SRRM4: variants seen among roughly 807,000 people sequenced by gnomAD.
SRRM4 encodes serine/arginine repetitive matrix 4, also known as serine/arginine repetitive matrix protein 4.
SRRM4 carries 33 observed loss-of-function variants against 68.9 expected under a neutral mutation model. The observed-to-expected ratio is 0.48, with a 90% CI of 0.36 to 0.64. The LOEUF (loss-of-function observed/expected upper bound fraction) is 0.64. SRRM4 is among the 30% of genes least tolerant of loss of function. The pLI, the probability that SRRM4 is intolerant of heterozygous loss-of-function variation, is 0.00. For synonymous variants in SRRM4, 318 were observed against 318.8 expected, an observed-to-expected ratio of 1.00 and a Z score of 0.03; for missense variants, 817 against 827.1, an observed-to-expected ratio of 0.99 and a Z score of 0.15.
intron 8 of SRRM4, among the ~76,000 whole-genome samples, chr12:119,131,224 A>T (rs1289618554): frequency 6.6e-6 from 1 of 152,232 alleles, no homozygotes; most frequent in Non-Finnish European, 1.5e-5. Flanking sequence ...TCCAGCTTTT[A>T]CATGAAGTCT....
chr12:119,072,180 T>C (rs910255461), intron 1 of SRRM4, among the ~76,000 whole-genome samples: 1 of 152,270 alleles, frequency 6.6e-6, no homozygotes, highest in Non-Finnish European at 1.5e-5. Context: ...GAAAGATGAC[T>C]GTGAATATTG....
intron 1 of SRRM4, among the ~76,000 whole-genome samples, chr12:119,070,231 A>C (rs976476743): frequency 5.3e-4 from 81 of 151,894 alleles, no homozygotes; most frequent in African/African-American, 1.9e-3. Context: ...AAAAAAAAAA[A>C]AACTAGCCAC....
Position 119,156,741 on chromosome 12 carries a change from C to T in SRRM4, c.1779C>T (p.Ser593=). The T allele has an allele frequency of 6.5e-7, 1 of 1,546,498 alleles. No individual in the cohort carries two copies. Among genetic ancestry groups the T allele is most frequent in the South Asian group, 1.2e-5 (1 of 83,920 alleles). The change falls in exon 13 of 13, where the codon AGC becomes AGT. Residue 593 remains serine, a synonymous_variant. Transcript: ENST00000267260. ...SRSRSRSRSR[S]RSQSRSYSSA... ...GCAGGAGCCGGAGCCGGAGCCGGAGCAGGAGCCAGAGCCGGAGCTACAGCT... is the reference window on the plus strand; with the variant it reads ...GCAGGAGCCGGAGCCGGAGCCGGAGTAGGAGCCAGAGCCGGAGCTACAGCT...
Position 119,125,370 on chromosome 12 carries a change from A to C in SRRM4, c.516-11A>C, listed in dbSNP as rs1441531338. On this transcript the variant is annotated splice_polypyrimidine_tract_variant and intron_variant, in intron 6 of 12. Coordinates refer to ENST00000267260, the MANE Select transcript of SRRM4 (RefSeq NM_194286.4). ...CCTCTCCTCTGACTCGTTCCTTCTC[A>C]TCCCCCCAAGATCTCGAAGCCGGCC... 1 of 1,608,976 alleles carries C rather than the reference A, an allele frequency of 6.2e-7. No homozygotes were observed. The highest frequency in any genetic ancestry group is 1.3e-5 in the African/African-American group (1 of 74,392).
chr12:119,149,581 G>A (rs564017393), intron 9 of SRRM4, among the ~76,000 whole-genome samples: 6 of 149,420 alleles, frequency 4.0e-5, no homozygotes, highest in East Asian at 1.9e-4. Context: ...GACAGGGGAC[G>A]GGGGTGTCAA....
rs560707252 is a variant in SRRM4, at chr12:119,156,582, C to T, written c.1620C>T (p.Ser540=). 1.2e-6 allele frequency: 2 copies of T among 1,610,262 alleles called. No homozygotes were observed. The highest frequency in any genetic ancestry group is 1.7e-5 in the Admixed American group (1 of 60,008). Residue 540 remains serine, a synonymous_variant, in exon 13 of 13, where the codon AGC becomes AGT. Coordinates refer to ENST00000267260, the MANE Select transcript of SRRM4 (RefSeq NM_194286.4). The part of the protein sequence containing the change: ...LSSTSSWYSS[S]SSRSASRSYS... Reference sequence around the variant, plus strand: ...GCACCTCCTCCTGGTACAGCAGCAGCAGTAGCCGCTCGGCCAGCCGCAGCT... The same window carrying T: ...GCACCTCCTCCTGGTACAGCAGCAGTAGTAGCCGCTCGGCCAGCCGCAGCT...
chr12:119,096,251 C>T (rs1029388951), intron 1 of SRRM4, among the ~76,000 whole-genome samples: 1 of 147,162 alleles, frequency 6.8e-6, no homozygotes, highest in Non-Finnish European at 1.5e-5. Flanking sequence ...CCAGGATGGT[C>T]TCAATCTTCC....
chr12:118,984,080 G>A (rs895217200), intron 1 of SRRM4, among the ~76,000 whole-genome samples: 1 of 152,102 alleles, frequency 6.6e-6, no homozygotes, highest in Non-Finnish European at 1.5e-5. Context: ...AACAGATTCC[G>A]GTTTTATAAC....
At chr12:119,152,333 A>C (rs1845151045) in intron 10 of SRRM4, among the ~76,000 whole-genome samples, 2 of 152,224 alleles carry the variant, frequency 1.3e-5, no homozygotes, top group Non-Finnish European at 2.9e-5. Context: ...AGAGCAAATC[A>C]GGCTAAAAGA....
intron 2 of SRRM4, among the ~76,000 whole-genome samples, chr12:119,106,693 C>A (rs903998042): frequency 1.7e-4 from 25 of 147,878 alleles, no homozygotes; most frequent in African/African-American, 5.8e-4. Flanking sequence ...TGCTTATCAG[C>A]TTAAGGAGAT....
intron 1 of SRRM4, among the ~76,000 whole-genome samples, chr12:119,049,397 T>C (rs1836188538): frequency 6.6e-6 from 1 of 152,078 alleles, no homozygotes; most frequent in Non-Finnish European, 1.5e-5. Flanking sequence ...AAAATGAAAT[T>C]AGAGAAATAA....
chr12:118,999,593 CAGA>C (rs1350179040), intron 1 of SRRM4, among the ~76,000 whole-genome samples: 3 of 152,154 alleles, frequency 2.0e-5, no homozygotes, highest in Non-Finnish European at 2.9e-5. Context: ...CTAAAACTAA[CAGA>C]GTTATTTATA....
At chr12:119,029,299 A>T (rs1953571090) in intron 1 of SRRM4, among the ~76,000 whole-genome samples, 1 of 152,206 alleles carries the variant, frequency 6.6e-6, no homozygotes, top group Admixed American at 6.5e-5. Flanking sequence ...TCTAAGAGTG[A>T]TTGAAGGCGC....
intron 1 of SRRM4, among the ~76,000 whole-genome samples, chr12:119,063,956 C>T (rs1953830062): frequency 6.6e-6 from 1 of 152,148 alleles, no homozygotes; most frequent in Non-Finnish European, 1.5e-5. Flanking sequence ...ATACCATGAT[C>T]CTGGGCTATA....
At chr12:119,088,804 A>G (rs1171576873) in intron 1 of SRRM4, among the ~76,000 whole-genome samples, 1 of 152,214 alleles carries the variant, frequency 6.6e-6, no homozygotes, top group Non-Finnish European at 1.5e-5. Flanking sequence ...ATCAGCTTGA[A>G]CAAAGCCAGA....
chr12:118,990,901 C>T (rs1286934346), intron 1 of SRRM4, among the ~76,000 whole-genome samples: 1 of 152,174 alleles, frequency 6.6e-6, no homozygotes, highest in Non-Finnish European at 1.5e-5. Context: ...CTCACTGCAA[C>T]CTCTGCCTCC....
intron 2 of SRRM4, among the ~76,000 whole-genome samples, chr12:119,107,939 A>C (rs1032759473): frequency 2.4e-4 from 36 of 152,016 alleles, no homozygotes; most frequent in African/African-American, 8.4e-4. Context: ...CCTGCTTTCT[A>C]TTGTGGGCAT....
chr12:119,005,905 A>G (rs1953413062), intron 1 of SRRM4, among the ~76,000 whole-genome samples: 1 of 152,186 alleles, frequency 6.6e-6, no homozygotes. Context: ...ACAACAAACA[A>G]GCCGTGTGAC....
At chr12:119,140,667 TAAG>T (rs560981954) in intron 8 of SRRM4, among the ~76,000 whole-genome samples, 57 of 152,318 alleles carry the variant, frequency 3.7e-4, no homozygotes, top group South Asian at 3.7e-3. Flanking sequence ...GAGAGTGGAA[TAAG>T]AAGTAAGAAG....
Sources: gnomAD v4.1 joint callset for allele counts (sites outside exome capture counted in the v4.1 genomes callset) on GRCh38, gnomAD v4.1.1 for gene constraint, MANE v1.5 for transcripts, NCBI Gene and HGNC (gene_info 2026-07-23, HGNC 2026-07-21) for gene names.